CACNA1B: variants seen among roughly 807,000 people sequenced by gnomAD.
CACNA1B encodes calcium voltage-gated channel subunit alpha1 B.
In CACNA1B, 70 loss-of-function variants were observed where a neutral mutation model predicts 247.2. The ratio of observed to expected loss-of-function variants is 0.28; its 90% confidence interval spans 0.23 to 0.35. The LOEUF is 0.35. Among genes scored for constraint, CACNA1B ranks in the 10% least tolerant of loss-of-function variants. The pLI is 1.00. For synonymous variants in CACNA1B, 1,231 were observed against 1,294.4 expected (o/e 0.95, Z 1.05); for missense variants, 2,367 against 3,197.4 (o/e 0.74, Z 6.26).
chr9:138,087,141 T>G (rs1291186001), intron 36 of CACNA1B, among the ~76,000 whole-genome samples: 1 of 150,590 alleles, frequency 6.6e-6, no homozygotes, highest in Non-Finnish European at 1.5e-5. Flanking sequence ...ATCCCAGCAC[T>G]TTGGGAGGCT....
chr9:137,911,873 A>T (rs1303369653), intron 3 of CACNA1B, among the ~76,000 whole-genome samples: 1 of 152,240 alleles, frequency 6.6e-6, no homozygotes, highest in Non-Finnish European at 1.5e-5. Flanking sequence ...GACGTGGCAT[A>T]TGAGAGAAGG....
chr9:137,993,186 A>G (rs191268669), intron 15 of CACNA1B, among the ~76,000 whole-genome samples: 4 of 152,308 alleles, frequency 2.6e-5, no homozygotes, highest in Admixed American at 1.3e-4. Flanking sequence ...AATGAAAATC[A>G]GAGCGGAACT....
Position 138,023,777 on chromosome 9 carries a change from G to A in CACNA1B, c.3034G>A (p.Asp1012Asn). ...TEKEAEIVEA[D>N]KEKELRNHQP... ...GAAGGAGGCTGAGATAGTGGAAGCC[G>A]ACAAGGAAAAGGAGCTCCGGAACCA... The change falls in exon 19 of 47, where the codon GAC becomes AAC. Residue 1012 changes from aspartate to asparagine, a missense_variant. Asp to Asn is a conservative substitution (Grantham distance 23, BLOSUM62 1). Coordinates refer to ENST00000371372, the MANE Select transcript of CACNA1B (RefSeq NM_000718.4). The A allele has an allele frequency of 3.3e-6, 5 of 1,505,610 alleles. No individual in the cohort carries two copies. The highest frequency in any genetic ancestry group is 4.5e-6 in the Non-Finnish European group (5 of 1,107,484). The allele number at this position is 1,505,610 out of a possible 1,614,324, so 93.3% of individuals were successfully genotyped here. A position where few individuals can be genotyped will look rare whatever the true frequency, so the allele number is the denominator to read the frequency against.
At chr9:138,060,039 A>G (rs1374999774) in intron 31 of CACNA1B, among the ~76,000 whole-genome samples, 2 of 152,236 alleles carry the variant, frequency 1.3e-5, no homozygotes, top group Non-Finnish European at 2.9e-5. Context: ...GTATCTGTAT[A>G]ATATGTATCT....
chr9:138,099,702 G>A (rs1343603143), intron 37 of CACNA1B, among the ~76,000 whole-genome samples: 1 of 149,038 alleles, frequency 6.7e-6, no homozygotes, highest in Non-Finnish European at 1.5e-5. Flanking sequence ...GTGTGCCTGT[G>A]GGTGTGCACA....
intron 6 of CACNA1B, among the ~76,000 whole-genome samples, chr9:137,943,007 GT>G (rs1351943680): frequency 6.7e-6 from 1 of 150,204 alleles, no homozygotes; most frequent in Non-Finnish European, 1.5e-5. Flanking sequence ...CTGATTTTGG[GT>G]TGCTGGTTAG....
Position 138,057,615 on chromosome 9 carries a change from GCA to G in CACNA1B, c.3969-114_3969-113del. On this transcript the variant is annotated intron_variant, in intron 26 of 46. Transcript: ENST00000371372. The surrounding 1 kb of genome is among the most constrained non-coding windows in gnomAD (Gnocchi z 4.0). The stretch of plus-strand genomic sequence containing the variant: ...TGCATGTGGACATCCAGTTTTCCCA[GCA>G]CAGTCTGTTGGAGAGGCCATTCTTT... 1 of 959,262 alleles carries G rather than the reference GCA, an allele frequency of 1.0e-6. No individual in the cohort carries two copies. Among genetic ancestry groups the G allele is most frequent in the Non-Finnish European group, 1.5e-6 (1 of 649,190 alleles). 59.4% of individuals were successfully genotyped at this position (959,262 alleles called of 1,614,324 possible).
rs531354720 is a variant in CACNA1B at position 137,917,328 on chromosome 9, C to T, written c.863C>T (p.Pro288Leu). 1 of 1,613,992 alleles carries T rather than the reference C, an allele frequency of 6.2e-7. No individual in the cohort carries two copies. Among genetic ancestry groups the T allele is most frequent in the African/African-American group, 1.3e-5 (1 of 75,048 alleles). ...GACACTGAGTGCCGGGAGTACTGGC[C>T]AGGACCCAACTTTGGCATCACCAAC... ...EGDTECREYW[P>L]GPNFGITNFD... Residue 288 changes from proline to leucine, a missense_variant, in exon 6 of 47, where the codon CCA becomes CTA. Coordinates refer to ENST00000371372, the MANE Select transcript of CACNA1B (RefSeq NM_000718.4). This position sits in a 1 kb window ranked among gnomAD's most constrained non-coding sequence, Gnocchi z 5.5.
rs1010320384 is a variant in CACNA1B at position 137,917,647 on chromosome 9, G to T, written c.966+216G>T. Among the ~76,000 whole-genome samples, 9 of 152,250 alleles carry T rather than the reference G, an allele frequency of 5.9e-5. No homozygotes were observed. The highest frequency in any genetic ancestry group is 2.2e-4 in the African/African-American group (9 of 41,474). On this transcript the variant is annotated intron_variant, in intron 6 of 46. Coordinates refer to ENST00000371372, the MANE Select transcript of CACNA1B (RefSeq NM_000718.4). The surrounding 1 kb of genome is among the most constrained non-coding windows in gnomAD (Gnocchi z 5.5). The stretch of plus-strand genomic sequence containing the variant: ...GCCTCAGCTCAGACTCCTGAGGTGG[G>T]TCCTCCTGGAGTTGACTCCTTCGTG...
intron 39 of CACNA1B, among the ~76,000 whole-genome samples, chr9:138,109,074 C>G (rs915262947): frequency 6.6e-6 from 1 of 152,224 alleles, no homozygotes; most frequent in Non-Finnish European, 1.5e-5. Context: ...ATATGATTAT[C>G]TCAATAGGTA....
chr9:138,024,890 TC>T (rs1173767445), intron 19 of CACNA1B, 64 bp from the exon 20 acceptor site: 7 of 1,178,486 alleles, frequency 5.9e-6, no homozygotes, highest in Non-Finnish European at 8.6e-6. Context: ...TGCCTCTGCC[TC>T]CCGGTGCCGG....
intron 6 of CACNA1B, among the ~76,000 whole-genome samples, chr9:137,923,477 G>A (rs961649370): frequency 4.7e-5 from 7 of 149,678 alleles, no homozygotes; most frequent in Admixed American, 6.7e-5. Context: ...GTAGTATTCC[G>A]TGGTGCCAGG....
intron 35 of CACNA1B, among the ~76,000 whole-genome samples, chr9:138,076,212 G>C (rs1960313249): frequency 6.6e-6 from 1 of 152,176 alleles, no homozygotes; most frequent in South Asian, 2.1e-4. Flanking sequence ...CGACAGCTTG[G>C]GAGCCTCCGG....
chr9:138,017,026 G>A (rs534802668), intron 18 of CACNA1B: 1 of 461,122 alleles, frequency 2.2e-6, no homozygotes, highest in East Asian at 6.4e-5. Flanking sequence ...CTCCTGTCCA[G>A]ATGCACATGG....
In CACNA1B at chr9:138,072,068, A is replaced by G. The variant is rs1960152194; in HGVS notation, c.4675-1420A>G. On this transcript the variant is annotated intron_variant, in intron 32 of 46. Transcript: ENST00000371372. This position sits in a 1 kb window ranked among gnomAD's most constrained non-coding sequence, Gnocchi z 4.5. ...GATTTTCTTTCCCTGGCACAAGCAG[A>G]TTACGGAGCTACAGGTACACTTGTG... is the stretch of plus-strand genomic sequence containing the variant. Among the ~76,000 whole-genome samples, 1 of 152,002 alleles carries G rather than the reference A, an allele frequency of 6.6e-6. No individual in the cohort carries two copies. Among genetic ancestry groups the G allele is most frequent in the South Asian group, 2.1e-4 (1 of 4,806 alleles).
rs2133256505 is a variant in CACNA1B at position 137,899,823 on chromosome 9, T to A, written c.531-13357T>A. Reference sequence around the variant, plus strand: ...GGGCCTGACTGGCACCTGACCCACCTGCCCCGGCCCAGGGACCCCCGCACC... The same window carrying A: ...GGGCCTGACTGGCACCTGACCCACCAGCCCCGGCCCAGGGACCCCCGCACC... On this transcript the variant is annotated intron_variant, in intron 3 of 46. Coordinates refer to ENST00000371372, the MANE Select transcript of CACNA1B (RefSeq NM_000718.4). This position sits in a 1 kb window ranked among gnomAD's most constrained non-coding sequence, Gnocchi z 5.0. Among the ~76,000 whole-genome samples, 1 of 152,176 alleles carries A rather than the reference T, an allele frequency of 6.6e-6. No individual in the cohort carries two copies. Among genetic ancestry groups the A allele is most frequent in the Non-Finnish European group, 1.5e-5 (1 of 67,996 alleles).
In CACNA1B at chr9:137,913,109, G is replaced by A. The variant is rs1032745220; in HGVS notation, c.531-71G>A. 5.9e-6 allele frequency: 7 copies of A among 1,182,136 alleles called. No homozygotes were observed. The Admixed American group carries it at 9.0e-5, about 15-fold the overall frequency. The allele number at this position is 1,182,136 out of a possible 1,614,324, so 73.2% of individuals were successfully genotyped here. On this transcript the variant is annotated intron_variant, in intron 3 of 46. Coordinates refer to ENST00000371372, the MANE Select transcript of CACNA1B (RefSeq NM_000718.4). This position sits in a 1 kb window ranked among gnomAD's most constrained non-coding sequence, Gnocchi z 5.2. ...TCTTGGGAGACATGACCCTGGTGGT[G>A]GGAGGAGTGTGTCCTCTTCCAGGCT... is the stretch of plus-strand genomic sequence containing the variant.
Position 137,901,831 on chromosome 9 carries a change from A to G in CACNA1B, c.531-11349A>G, listed in dbSNP as rs1957244022. On this transcript the variant is annotated intron_variant, in intron 3 of 46. Transcript: ENST00000371372. ...CAGCCTCTTGAGTAGCTGGGACTACAGGCACCCACGACTACACCTGGGTGA... is the reference window on the plus strand; with the variant it reads ...CAGCCTCTTGAGTAGCTGGGACTACGGGCACCCACGACTACACCTGGGTGA... Among the ~76,000 whole-genome samples, 3 of 151,988 alleles carry G rather than the reference A, an allele frequency of 2.0e-5. No individual in the cohort carries two copies. In the South Asian group the frequency reaches 6.3e-4, roughly 32 times the overall value.
rs978039127 is a variant in CACNA1B, at chr9:137,919,707, G to A, written c.966+2276G>A. Among the ~76,000 whole-genome samples the A allele has an allele frequency of 1.3e-5, 2 of 152,256 alleles. No homozygotes were observed. Among genetic ancestry groups the A allele is most frequent in the African/African-American group, 2.4e-5 (1 of 41,466 alleles). On this transcript the variant is annotated intron_variant, in intron 6 of 46. Transcript: ENST00000371372. This position sits in a 1 kb window ranked among gnomAD's most constrained non-coding sequence, Gnocchi z 4.6. Reference sequence around the variant, plus strand: ...GCGGAAGCCCACGGCCTGCAGTAGGGGTGGAGGCAGAGAGATGGAAAGCTC... The same window carrying A: ...GCGGAAGCCCACGGCCTGCAGTAGGAGTGGAGGCAGAGAGATGGAAAGCTC...
Sources: allele counts gnomAD v4.1 joint callset (sites outside exome capture counted in the v4.1 genomes callset), GRCh38; gene constraint gnomAD v4.1.1; non-coding constraint Gnocchi (gnomAD v3.1); transcripts MANE v1.5; gene names NCBI Gene and HGNC (gene_info 2026-07-23, HGNC 2026-07-21).